Variants in BRWD1 observed in about 807,000 individuals in gnomAD.
The protein encoded by BRWD1 is bromodomain and WD repeat domain containing 1.
Under a neutral mutation model 251.2 loss-of-function variants are expected in BRWD1, and 82 were observed. The observed-to-expected ratio is 0.33, with a 90% CI of 0.27 to 0.39. The LOEUF (loss-of-function observed/expected upper bound fraction) is 0.39. BRWD1 is among the 10% of genes least tolerant of loss of function. The probability of loss-of-function intolerance (pLI) is 1.00; values close to 1 mark genes in which losing one functional copy is unlikely to be tolerated. For missense variants in BRWD1, 2,233 were observed against 2,711.6 expected (o/e 0.82, Z 3.92); for synonymous variants, 918 against 902.8 (o/e 1.02, Z -0.30).
intron 4 of BRWD1, among the ~76,000 whole-genome samples, chr21:39,306,519 G>A (rs1002794796): frequency 2.0e-5 from 3 of 152,156 alleles, no homozygotes; most frequent in Admixed American, 1.3e-4. Flanking sequence ...TAGGTTTGTA[G>A]AGGGGTTTAT....
intron 23 of BRWD1, among the ~76,000 whole-genome samples, chr21:39,232,951 T>C (rs2033674347): frequency 6.6e-6 from 1 of 152,130 alleles, no homozygotes; most frequent in Admixed American, 6.5e-5. Flanking sequence ...AGTGGAAGTC[T>C]CCTCCTCTTA....
intron 4 of BRWD1, among the ~76,000 whole-genome samples, chr21:39,306,543 G>A (rs894560750): frequency 3.3e-5 from 5 of 152,150 alleles, no homozygotes; most frequent in African/African-American, 7.2e-5. Flanking sequence ...AAGGGAAAGA[G>A]ATTAAGAGAC....
At chr21:39,290,177 G>A (rs978005962) in intron 8 of BRWD1, among the ~76,000 whole-genome samples, 8 of 151,740 alleles carry the variant, frequency 5.3e-5, no homozygotes, top group Admixed American at 6.6e-5. Context: ...TTCATCAGTT[G>A]TGTTCAGATG....
At chr21:39,261,563 T>A (rs895267344) in intron 17 of BRWD1, among the ~76,000 whole-genome samples, 4 of 152,064 alleles carry the variant, frequency 2.6e-5, no homozygotes, top group African/African-American at 9.7e-5. Flanking sequence ...GTCAACACTG[T>A]AAAAAAATAA....
upstream of BRWD1, chr21:39,313,750 A>G: frequency 5.3e-6 from 2 of 379,248 alleles, no homozygotes; most frequent in Non-Finnish European, 9.5e-6. Context: ...CCGCCCGGGG[A>G]GGCGAACCTC....
Position 39,277,384 on chromosome 21 carries a change from G to T in BRWD1, c.1004-33C>A, listed in dbSNP as rs199568982. ...AAAAATGGTAAGGTTTAAACATCCA[G>T]TTTATAACAAATACCTGAACAAATC... On this transcript the variant is annotated intron_variant, in intron 10 of 40. Transcript: ENST00000342449. The T allele has an allele frequency of 1.3e-5, 18 of 1,354,872 alleles. No individual in the cohort carries two copies. In the East Asian group the frequency reaches 3.6e-4, roughly 27 times the overall value. 83.9% of individuals were successfully genotyped at this position (1,354,872 alleles called of 1,614,324 possible).
At chr21:39,240,788 A>C (rs1186573075) in intron 21 of BRWD1, among the ~76,000 whole-genome samples, 3 of 152,238 alleles carry the variant, frequency 2.0e-5, no homozygotes, top group African/African-American at 7.2e-5. Flanking sequence ...AAGAAGGATA[A>C]ATAACTTTTG....
chr21:39,192,179 G>A lies in BRWD1; in HGVS notation c.*4080C>T. ...CTTTTGAGAATCCCCATGTATCCTT[G>A]GGCAACATCTCTGTAATTTAACAGC... On this transcript the variant is annotated 3_prime_UTR_variant, in exon 41 of 41. Transcript: ENST00000342449. 1 of 985,168 alleles carries A rather than the reference G, an allele frequency of 1.0e-6. No homozygotes were observed. Among genetic ancestry groups the A allele is most frequent in the Non-Finnish European group, 1.2e-6 (1 of 829,804 alleles). 61.0% of individuals were successfully genotyped at this position (985,168 alleles called of 1,614,324 possible). A position where few individuals can be genotyped will look rare whatever the true frequency, so the allele number is the denominator to read the frequency against.
intron 36 of BRWD1, among the ~76,000 whole-genome samples, chr21:39,209,094 G>C (rs1196123379): frequency 6.6e-6 from 1 of 151,936 alleles, no homozygotes; most frequent in Non-Finnish European, 1.5e-5. Flanking sequence ...GCCAAGTGGA[G>C]TCTGCAAAGA....
intron 19 of BRWD1, among the ~76,000 whole-genome samples, chr21:39,254,072 G>A (rs917555980): frequency 1.3e-5 from 2 of 152,140 alleles, no homozygotes; most frequent in Admixed American, 1.3e-4. Context: ...TTCAAGACAA[G>A]CCTGACCAAC....
At chr21:39,237,737 G>C (rs2033859018) in intron 22 of BRWD1, among the ~76,000 whole-genome samples, 1 of 152,066 alleles carries the variant, frequency 6.6e-6, no homozygotes, top group East Asian at 1.9e-4. Context: ...CTGGAGACTG[G>C]CTGCACAACT....
intron 37 of BRWD1, among the ~76,000 whole-genome samples, chr21:39,202,948 G>A (rs1388749168): frequency 6.6e-6 from 1 of 152,124 alleles, no homozygotes; most frequent in Non-Finnish European, 1.5e-5. Flanking sequence ...ACAGAATATG[G>A]TTAAGAGGAG....
chr21:39,313,742 G>GC, upstream of BRWD1: 1 of 385,728 alleles, frequency 2.6e-6, no homozygotes, highest in Non-Finnish European at 4.7e-6. Context: ...CTCGTGTCCC[G>GC]CCCGGGGAGG....
intron 21 of BRWD1, among the ~76,000 whole-genome samples, chr21:39,246,286 T>C (rs1397266013): frequency 1.3e-5 from 2 of 152,132 alleles, no homozygotes; most frequent in African/African-American, 4.8e-5. Context: ...TTACTGGTCA[T>C]TAGGGAAATG....
rs1374099853 is a variant in BRWD1 at position 39,192,307 on chromosome 21, T to G, written c.*3952A>C. 1 of 985,190 alleles carries G rather than the reference T, an allele frequency of 1.0e-6. No individual in the cohort carries two copies. The highest frequency in any genetic ancestry group is 1.7e-5 in the African/African-American group (1 of 57,230). The allele number at this position is 985,190 out of a possible 1,614,324, so 61.0% of individuals were successfully genotyped here. ...ACAGTTTGAGCTAGGAATTAACATT[T>G]GCTAATCTAGTTGGACTCAGTTTTT... On this transcript the variant is annotated 3_prime_UTR_variant, in exon 41 of 41. Transcript: ENST00000342449.
At position 39,260,534 on chromosome 21, in the gene BRWD1, A is replaced by ATTT. The variant is rs545374071; in HGVS notation, c.1886-1863_1886-1862insAAA. 4.3e-4 allele frequency among the ~76,000 whole-genome samples: 65 copies of ATTT among 152,342 alleles called. No individual in the cohort carries two copies. In the East Asian group the frequency reaches 0.01, roughly 24 times the overall value. On this transcript the variant is annotated intron_variant, in intron 17 of 40. Transcript: ENST00000342449. ...ATGGAATAATACAATCGATACTGAA[A>ATTT]TATTGAAGGAGGGTTCTACCCATGA...
intron 13 of BRWD1, among the ~76,000 whole-genome samples, chr21:39,271,993 C>T (rs1245384207): frequency 3.3e-5 from 4 of 120,012 alleles, no homozygotes; most frequent in East Asian, 2.2e-4. Context: ...GAGCTGAGAC[C>T]GTGCCACTCC....
rs1568891676 is a variant in BRWD1, at chr21:39,229,441, A to C, written c.3001-5T>G. Reference sequence around the variant, plus strand: ...TATTTTAACCAATTCTTGATCCTTTAACAGACATATTTTTTAATGGTTAAA... The same window carrying C: ...TATTTTAACCAATTCTTGATCCTTTCACAGACATATTTTTTAATGGTTAAA... On this transcript the variant is annotated splice_region_variant and splice_polypyrimidine_tract_variant and intron_variant, in intron 25 of 40. Transcript: ENST00000342449. 1 of 1,603,150 alleles carries C rather than the reference A, an allele frequency of 6.2e-7. No individual in the cohort carries two copies. The highest frequency in any genetic ancestry group is 8.5e-7 in the Non-Finnish European group (1 of 1,171,464).
intron 4 of BRWD1, among the ~76,000 whole-genome samples, chr21:39,299,570 T>C (rs540765121): frequency 4.6e-5 from 7 of 152,034 alleles, no homozygotes; most frequent in Non-Finnish European, 1.0e-4. Context: ...ATCTCGACAA[T>C]GAGAATAGGC....
Sources: gnomAD v4.1 joint callset for allele counts (sites outside exome capture counted in the v4.1 genomes callset) on GRCh38, gnomAD v4.1.1 for gene constraint, MANE v1.5 for transcripts, NCBI Gene and HGNC (gene_info 2026-07-23, HGNC 2026-07-21) for gene names.